PTBP3: variants seen among roughly 807,000 people sequenced by gnomAD.
PTBP3 encodes the protein polypyrimidine tract binding protein 3.
In PTBP3, 20 loss-of-function variants were observed where a neutral mutation model predicts 58.7. That is an observed-to-expected ratio of 0.34 (90% CI 0.24 to 0.50). PTBP3 has a LOEUF of 0.50. PTBP3 is among the 20% of genes least tolerant of loss of function. PTBP3 has a pLI of 0.98. For synonymous variants in PTBP3, 185 were observed against 219.8 expected, an observed-to-expected ratio of 0.84 and a Z score of 1.40; for missense variants, 509 against 637.2, an observed-to-expected ratio of 0.80 and a Z score of 2.17.
At chr9:112,319,782 C>T (rs1232537034) in intron 1 of PTBP3, among the ~76,000 whole-genome samples, 1 of 152,044 alleles carries the variant, frequency 6.6e-6, no homozygotes, top group Non-Finnish European at 1.5e-5. Context: ...TCAAAATGTC[C>T]CTCAGTGGAT....
intron 2 of PTBP3, among the ~76,000 whole-genome samples, chr9:112,281,507 T>C (rs1446008223): frequency 6.6e-6 from 1 of 152,230 alleles, no homozygotes; most frequent in Admixed American, 6.5e-5. Context: ...TTTATGTCAA[T>C]ATTCATGAAG....
chr9:112,268,487 G>A (rs1224424724), intron 3 of PTBP3, among the ~76,000 whole-genome samples: 1 of 151,872 alleles, frequency 6.6e-6, no homozygotes, highest in South Asian at 2.1e-4. Flanking sequence ...TTGAGCCCAG[G>A]AGTTCAACAG....
chr9:112,243,594 T>C (rs575969703), intron 7 of PTBP3, among the ~76,000 whole-genome samples: 1 of 152,134 alleles, frequency 6.6e-6, no homozygotes, highest in Admixed American at 6.5e-5. Flanking sequence ...ACTGACATTA[T>C]CTGTAGATGA....
At chr9:112,271,495 C>T (rs1390542892) in intron 3 of PTBP3, among the ~76,000 whole-genome samples, 1 of 152,182 alleles carries the variant, frequency 6.6e-6, no homozygotes, top group East Asian at 1.9e-4. Context: ...CTGCAACGGG[C>T]AGATCACTTG....
At chr9:112,279,008 G>GCCT in intron 2 of PTBP3, among the ~76,000 whole-genome samples, 1 of 152,058 alleles carries the variant, frequency 6.6e-6, no homozygotes, top group South Asian at 2.1e-4. Flanking sequence ...CCATAATTAA[G>GCCT]AATTTGCCCC....
At chr9:112,318,758 CAA>C (rs369665704) in intron 1 of PTBP3, among the ~76,000 whole-genome samples, 9 of 106,798 alleles carry the variant, frequency 8.4e-5, no homozygotes, top group Admixed American at 1.9e-4. Flanking sequence ...AGACTGTCTC[CAA>C]AAAAAAAAAA....
At chr9:112,329,660 C>CTA (rs1830289222) in intron 1 of PTBP3, among the ~76,000 whole-genome samples, 1 of 152,028 alleles carries the variant, frequency 6.6e-6, no homozygotes, top group South Asian at 2.1e-4. Context: ...TTTTTCACCT[C>CTA]TAAAATGGGA....
At chr9:112,273,542 T>C (rs1827477219) in intron 3 of PTBP3, among the ~76,000 whole-genome samples, 1 of 152,204 alleles carries the variant, frequency 6.6e-6, no homozygotes, top group African/African-American at 2.4e-5. Flanking sequence ...CTAAACAATA[T>C]ATCTGGAATA....
At position 112,261,704 on chromosome 9, in the gene PTBP3, T is replaced by C. The variant is rs369074392; in HGVS notation, c.516+731A>G. Among the ~76,000 whole-genome samples, 529 of 152,358 alleles carry C rather than the reference T, an allele frequency of 3.5e-3. 2 individuals carry two copies. The highest frequency in any genetic ancestry group is 8.5e-3 in the African/African-American group (354 of 41,582). ...ATACACAGATTACCAGATAACTGTA[T>C]ATTACATTCTTAGGATATGTATATA... On this transcript the variant is annotated intron_variant, in intron 5 of 13. Transcript: ENST00000374257.
upstream of PTBP3, among the ~76,000 whole-genome samples, chr9:112,338,280 CAT>C (rs1399654105): frequency 5.3e-5 from 8 of 152,160 alleles, no homozygotes; most frequent in African/African-American, 1.7e-4. Context: ...CAAATCTACA[CAT>C]GATAAAATTG....
chr9:112,356,817 C>A, the PTBP3 span, among the ~76,000 whole-genome samples: 1 of 150,234 alleles, frequency 6.7e-6, no homozygotes, highest in Admixed American at 6.6e-5. Flanking sequence ...CACACACACA[C>A]ACACACAATT....
rs1834742939 is a variant in PTBP3 at position 112,219,830 on chromosome 9, A to C, written c.*4021T>G. On this transcript the variant is annotated 3_prime_UTR_variant, in exon 14 of 14. Coordinates refer to ENST00000374257, the MANE Select transcript of PTBP3 (RefSeq NM_001163788.4). Reference sequence around the variant, plus strand: ...TTTCTCCCACTATAAAACCCCTCAAACTAAGATTTTAATAATTTTCTATAT... The same window carrying C: ...TTTCTCCCACTATAAAACCCCTCAACCTAAGATTTTAATAATTTTCTATAT... 1 of 157,266 alleles carries C rather than the reference A, an allele frequency of 6.4e-6. No homozygotes were observed. Among genetic ancestry groups the C allele is most frequent in the Admixed American group, 6.5e-5 (1 of 15,420 alleles). The allele number at this position is 157,266 out of a possible 1,614,324, so 9.7% of individuals were successfully genotyped here. A position where few individuals can be genotyped will look rare whatever the true frequency, so the allele number is the denominator to read the frequency against.
chr9:112,303,802 T>G (rs929460038), intron 1 of PTBP3, among the ~76,000 whole-genome samples: 5 of 151,294 alleles, frequency 3.3e-5, no homozygotes, highest in Non-Finnish European at 7.4e-5. Context: ...AGGCAGAGGT[T>G]GCAGTGAGCC....
Position 112,312,785 on chromosome 9 carries a change from T to C in PTBP3, c.-51-14869A>G, listed in dbSNP as rs375299886. On this transcript the variant is annotated intron_variant, in intron 1 of 13. Coordinates refer to ENST00000374257, the MANE Select transcript of PTBP3 (RefSeq NM_001163788.4). ...CAGGCCGGGCACAGTGGCTCATGCATGTAATCCCAGAACTTTGGGAGGCCA... is the reference window on the plus strand; with the variant it reads ...CAGGCCGGGCACAGTGGCTCATGCACGTAATCCCAGAACTTTGGGAGGCCA... Among the ~76,000 whole-genome samples the C allele has an allele frequency of 1.5e-4, 23 of 152,204 alleles. No individual in the cohort carries two copies. The East Asian group carries it at 3.1e-3, about 20-fold the overall frequency.
At position 112,223,370 on chromosome 9, in the gene PTBP3, T is replaced by C. The variant is rs2131936501; in HGVS notation, c.*481A>G. On this transcript the variant is annotated 3_prime_UTR_variant, in exon 14 of 14. Coordinates refer to ENST00000374257, the MANE Select transcript of PTBP3 (RefSeq NM_001163788.4). ...AGATCTGATGTACTTTATATGTGAA[T>C]ATAATTTCCTACAAGGGTCAGACTT... The C allele has an allele frequency of 1.0e-6, 1 of 966,690 alleles. No homozygotes were observed. The highest frequency in any genetic ancestry group is 1.2e-6 in the Non-Finnish European group (1 of 811,796). 59.9% of individuals were successfully genotyped at this position (966,690 alleles called of 1,614,324 possible). A position where few individuals can be genotyped will look rare whatever the true frequency, so the allele number is the denominator to read the frequency against.
At chr9:112,250,112 T>C (rs1389051265) in intron 7 of PTBP3, among the ~76,000 whole-genome samples, 1 of 151,702 alleles carries the variant, frequency 6.6e-6, no homozygotes, top group Non-Finnish European at 1.5e-5. Flanking sequence ...ATTTTATAAT[T>C]TGATTGTCTT....
chr9:112,369,759 G>A, the PTBP3 span, among the ~76,000 whole-genome samples: 5 of 152,168 alleles, frequency 3.3e-5, no homozygotes, highest in Admixed American at 6.5e-5. Flanking sequence ...AGATTTGGGA[G>A]AGGCCAGGGA....
chr9:112,265,656 C>T (rs533426321), intron 4 of PTBP3, among the ~76,000 whole-genome samples: 1 of 152,150 alleles, frequency 6.6e-6, no homozygotes, highest in Admixed American at 6.5e-5. Context: ...GCAGCACACA[C>T]ATGAGGGTAG....
the PTBP3 span, among the ~76,000 whole-genome samples, chr9:112,378,614 A>G: frequency 6.6e-6 from 1 of 152,198 alleles, no homozygotes; most frequent in African/African-American, 2.4e-5. Context: ...AGAGTAAGTT[A>G]TTTTCATCTA....
Sources: gnomAD v4.1 joint callset for allele counts (sites outside exome capture counted in the v4.1 genomes callset) on GRCh38, gnomAD v4.1.1 for gene constraint, MANE v1.5 for transcripts, NCBI Gene and HGNC (gene_info 2026-07-23, HGNC 2026-07-21) for gene names.